GRM7: variants seen among roughly 807,000 people sequenced by gnomAD.
GRM7 encodes glutamate metabotropic receptor 7, also known as metabotropic glutamate receptor 7.
GRM7 carries 35 observed loss-of-function variants against 84.5 expected under a neutral mutation model. That is an observed-to-expected ratio of 0.41 (90% CI 0.32 to 0.55). GRM7 has a LOEUF of 0.55. Ranked by LOEUF, GRM7 falls within the 20% of genes least tolerant of loss-of-function variation. The pLI, the probability that GRM7 is intolerant of heterozygous loss-of-function variation, is 0.19. For synonymous variants in GRM7, 487 were observed against 455.1 expected, an observed-to-expected ratio of 1.07 and a Z score of -0.89; for missense variants, 1,003 against 1,194.6, an observed-to-expected ratio of 0.84 and a Z score of 2.36.
intron 1 of GRM7, among the ~76,000 whole-genome samples, chr3:7,019,866 A>G (rs1443022376): frequency 1.3e-5 from 2 of 152,222 alleles, no homozygotes; most frequent in African/African-American, 2.4e-5. Flanking sequence ...AAAAACAATA[A>G]CAACTATTTT....
intron 1 of GRM7, among the ~76,000 whole-genome samples, chr3:7,033,126 A>G (rs917113061): frequency 3.3e-4 from 50 of 152,040 alleles, no homozygotes; most frequent in African/African-American, 1.2e-3. Flanking sequence ...TGATTTGTAA[A>G]TGCATCGCTC....
intron 1 of GRM7, among the ~76,000 whole-genome samples, chr3:7,014,372 A>G (rs1695489765): frequency 6.6e-6 from 1 of 151,902 alleles, no homozygotes; most frequent in African/African-American, 2.4e-5. Flanking sequence ...ACAGAGTTTT[A>G]CTCTGTCACC....
chr3:7,430,835 T>C (rs564915342), intron 5 of GRM7, among the ~76,000 whole-genome samples: 3 of 152,340 alleles, frequency 2.0e-5, no homozygotes, highest in African/African-American at 7.2e-5. Flanking sequence ...GTTTGCTTAC[T>C]AACAAATATA....
In GRM7 at chr3:7,188,644, A is replaced by G. The variant is rs190733730; in HGVS notation, c.736+41976A>G. Among the ~76,000 whole-genome samples the G allele has an allele frequency of 7.5e-4, 114 of 152,288 alleles. No individual in the cohort carries two copies. The highest frequency in any genetic ancestry group is 2.6e-3 in the African/African-American group (110 of 41,574). Reference sequence around the variant, plus strand: ...ACTTGAGTGTATAAGGGTTGGGGAGACAGTGGTGACACATAGATCTCTCAG... The same window carrying G: ...ACTTGAGTGTATAAGGGTTGGGGAGGCAGTGGTGACACATAGATCTCTCAG... On this transcript the variant is annotated intron_variant, in intron 2 of 9. Coordinates refer to ENST00000357716, the MANE Select transcript of GRM7 (RefSeq NM_000844.4). The surrounding 1 kb of genome is among the most constrained non-coding windows in gnomAD (Gnocchi z 4.2).
At position 6,950,724 on chromosome 3, in the gene GRM7, G is replaced by A. The variant is rs111467960; in HGVS notation, c.519+88817G>A. Reference sequence around the variant, plus strand: ...TCCACCCAGTTCAAGCTTCAGGGCCGCTTTGTTTACCTACTCAAGCCTGAG... The same window carrying A: ...TCCACCCAGTTCAAGCTTCAGGGCCACTTTGTTTACCTACTCAAGCCTGAG... On this transcript the variant is annotated intron_variant, in intron 1 of 9. Transcript: ENST00000357716. 1.7e-3 allele frequency among the ~76,000 whole-genome samples: 255 copies of A among 152,312 alleles called. 1 individual carries two copies. The highest frequency in any genetic ancestry group is 6.8e-3 in the Middle Eastern group (2 of 294).
intron 4 of GRM7, among the ~76,000 whole-genome samples, chr3:7,404,159 G>T (rs1695576932): frequency 6.6e-6 from 1 of 152,086 alleles, no homozygotes; most frequent in African/African-American, 2.4e-5. Context: ...TAAGTATTCT[G>T]CATATACTTC....
At chr3:6,900,262 G>A (rs1696336433) in intron 1 of GRM7, among the ~76,000 whole-genome samples, 1 of 152,114 alleles carries the variant, frequency 6.6e-6, no homozygotes, top group South Asian at 2.1e-4. Context: ...CATGTGAACA[G>A]CAGCCTGGAA....
At chr3:7,733,424 T>C (rs565944081) in intron 9 of GRM7, among the ~76,000 whole-genome samples, 44 of 152,184 alleles carry the variant, frequency 2.9e-4, no homozygotes, top group Admixed American at 5.2e-4. Context: ...AATAAGATGT[T>C]TGTTTCTGGT....
intron 2 of GRM7, among the ~76,000 whole-genome samples, chr3:7,282,881 C>A (rs1165410097): frequency 2.0e-5 from 3 of 152,070 alleles, no homozygotes; most frequent in African/African-American, 7.2e-5. Flanking sequence ...AAATGTGGAC[C>A]AGAGGAATTT....
At chr3:7,447,934 G>A (rs6789511) in intron 5 of GRM7, among the ~76,000 whole-genome samples, 43,715 of 119,364 alleles carry the variant, frequency 0.37, 8,751 homozygotes, top group Non-Finnish European at 0.47. Flanking sequence ...GGAATGTGAT[G>A]TTCCCCTTCC....
intron 7 of GRM7, among the ~76,000 whole-genome samples, chr3:7,516,963 C>G (rs1458098248): frequency 6.6e-6 from 1 of 152,128 alleles, no homozygotes; most frequent in African/African-American, 2.4e-5. Flanking sequence ...TTCCTGTAGA[C>G]CCCACCTGCC....
chr3:7,435,251 C>T (rs1296288218), intron 5 of GRM7, among the ~76,000 whole-genome samples: 1 of 151,766 alleles, frequency 6.6e-6, no homozygotes, highest in Non-Finnish European at 1.5e-5. Flanking sequence ...GTGGCCTTGA[C>T]TTCCAGGGCT....
chr3:7,198,737 G>A (rs1695965723), intron 2 of GRM7, among the ~76,000 whole-genome samples: 1 of 152,002 alleles, frequency 6.6e-6, no homozygotes, highest in African/African-American at 2.4e-5. Flanking sequence ...TTGTTATATG[G>A]GTACTTGGAG....
intron 4 of GRM7, among the ~76,000 whole-genome samples, chr3:7,405,327 T>G (rs1314841247): frequency 6.6e-6 from 1 of 152,190 alleles, no homozygotes; most frequent in Non-Finnish European, 1.5e-5. Context: ...CTGAGTATTA[T>G]GATTGATTAT....
chr3:7,513,406 T>C (rs930478398), intron 7 of GRM7, among the ~76,000 whole-genome samples: 5 of 152,158 alleles, frequency 3.3e-5, no homozygotes, highest in African/African-American at 1.2e-4. Context: ...CCTTTTTTTT[T>C]CTGTTTTTTT....
chr3:7,094,216 G>A (rs1411210544), intron 1 of GRM7, among the ~76,000 whole-genome samples: 1 of 152,020 alleles, frequency 6.6e-6, no homozygotes, highest in Non-Finnish European at 1.5e-5. Context: ...GCTAAGCGAA[G>A]CAAGCTGGAA....
chr3:7,336,326 T>G (rs1701420205), intron 4 of GRM7, among the ~76,000 whole-genome samples: 1 of 151,862 alleles, frequency 6.6e-6, no homozygotes, highest in Non-Finnish European at 1.5e-5. Flanking sequence ...AAAAAAGCAC[T>G]TGGCAAAATC....
intron 1 of GRM7, among the ~76,000 whole-genome samples, chr3:7,099,414 T>C (rs1698992812): frequency 1.4e-5 from 2 of 147,910 alleles, no homozygotes; most frequent in African/African-American, 2.5e-5. Context: ...ATAATACATA[T>C]TATGCATGTA....
intron 1 of GRM7, among the ~76,000 whole-genome samples, chr3:7,021,354 A>G (rs1178140595): frequency 6.6e-6 from 1 of 152,176 alleles, no homozygotes; most frequent in African/African-American, 2.4e-5. Flanking sequence ...AAAAGATGTA[A>G]CTTGCTCATA....
Sources: gnomAD v4.1 joint callset for allele counts (sites outside exome capture counted in the v4.1 genomes callset) on GRCh38, gnomAD v4.1.1 for gene constraint, Gnocchi (gnomAD v3.1) non-coding constraint, MANE v1.5 for transcripts, NCBI Gene and HGNC (gene_info 2026-07-23, HGNC 2026-07-21) for gene names.